The following WDR88 variants were observed in gnomAD, a reference collection of about 807,000 sequenced individuals.
WDR88 encodes the protein WD repeat-containing protein 88.
In WDR88, 40 loss-of-function variants were observed where a neutral mutation model predicts 46.8. That is an observed-to-expected ratio of 0.86 (90% confidence interval 0.66 to 1.11). WDR88 has a LOEUF of 1.11. WDR88 is among the 50% of genes most tolerant of loss of function. The pLI is 0.00. For missense variants in WDR88, 562 were observed against 602.4 expected (o/e 0.93, Z 0.70); for synonymous variants, 235 against 240.7 (o/e 0.98, Z 0.22).
In WDR88 at chr19:33,140,935, A is replaced by ATT. The variant is rs576514149; in HGVS notation, c.387+3166_387+3167dup. ...ATATGAGAAAAACTACCAAACTTACATTTTTTTTTTTTTTTTTTTGAGACA... is the reference window on the plus strand; with the variant it reads ...ATATGAGAAAAACTACCAAACTTACATTTTTTTTTTTTTTTTTTTTTGAGACA... On this transcript the variant is annotated intron_variant, in intron 2 of 10. Coordinates refer to ENST00000355868, the MANE Select transcript of WDR88 (RefSeq NM_173479.4). 9.9e-3 allele frequency among the ~76,000 whole-genome samples: 1,257 copies of ATT among 127,114 alleles called. 28 individuals carry two copies. Among genetic ancestry groups the ATT allele is most frequent in the African/African-American group, 0.037 (1,171 of 31,630 alleles). 83.4% of individuals were successfully genotyped at this position (127,114 alleles called of 152,430 possible).
At chr19:33,135,054 G>A (rs1018309045) in intron 1 of WDR88, among the ~76,000 whole-genome samples, 1 of 136,062 alleles carries the variant, frequency 7.3e-6, no homozygotes, top group Non-Finnish European at 1.5e-5. Flanking sequence ...GGGGTGGGTG[G>A]GTGGGGGGGG....
chr19:33,163,054 TG>T (rs1973895433), intron 8 of WDR88, among the ~76,000 whole-genome samples: 1 of 151,014 alleles, frequency 6.6e-6, no homozygotes, highest in African/African-American at 2.4e-5. Context: ...AAACATTAGG[TG>T]GGGTGTGGTG....
Position 33,141,227 on chromosome 19 carries a change from G to GTTTTTTTTTTTT in WDR88, c.387+3442_387+3453dup, listed in dbSNP as rs745987290. 4.7e-4 allele frequency among the ~76,000 whole-genome samples: 53 copies of GTTTTTTTTTTTT among 113,382 alleles called. 11 individuals are homozygous for GTTTTTTTTTTTT. The highest frequency in any genetic ancestry group is 1.3e-3 in the African/African-American group (32 of 24,450). 74.4% of individuals were successfully genotyped at this position (113,382 alleles called of 152,430 possible). The stretch of plus-strand genomic sequence containing the variant: ...GCTGGGATTACAGGTGTGGGAGCAT[G>GTTTTTTTTTTTT]TTTTTTTTTTTTTCTTTTTTGACAC... On this transcript the variant is annotated intron_variant, in intron 2 of 10. Coordinates refer to ENST00000355868, the MANE Select transcript of WDR88 (RefSeq NM_173479.4).
At chr19:33,160,997 C>T (rs1004330400) in intron 8 of WDR88, among the ~76,000 whole-genome samples, 11 of 151,254 alleles carry the variant, frequency 7.3e-5, no homozygotes, top group African/African-American at 2.7e-4. Context: ...CATGGTGAAA[C>T]CCCCGTCTCT....
intron 9 of WDR88, among the ~76,000 whole-genome samples, chr19:33,167,507 C>CAGGACA (rs548520499): frequency 1.6e-3 from 242 of 152,174 alleles, no homozygotes; most frequent in African/African-American, 5.7e-3. Flanking sequence ...AGATCAGGAT[C>CAGGACA]AGGACAAGGA....
chr19:33,172,274 A>G, intron 9 of WDR88, 74 bp from the exon 10 acceptor site: 2 of 1,279,026 alleles, frequency 1.6e-6, no homozygotes, highest in Non-Finnish European at 2.2e-6. Flanking sequence ...ATGTCTTTTG[A>G]TTGTTGAATG....
chr19:33,157,643 G>A (rs8103691), intron 7 of WDR88, among the ~76,000 whole-genome samples: 4 of 126,510 alleles, frequency 3.2e-5, no homozygotes, highest in Non-Finnish European at 6.5e-5. Context: ...GTATATATGT[G>A]TGTGTGTATG....
rs1349267104 is a variant in WDR88 at position 33,160,407 on chromosome 19, G to A, written c.998-7G>A. The A allele has an allele frequency of 6.2e-7, 1 of 1,614,082 alleles. No individual in the cohort carries two copies. Among genetic ancestry groups the A allele is most frequent in the South Asian group, 1.1e-5 (1 of 91,076 alleles). Reference sequence around the variant, plus strand: ...CCCCATCTCCACCCTTTCATTTTCTGTTGCAGGCTCTTTTCTCATTTCTGG... The same window carrying A: ...CCCCATCTCCACCCTTTCATTTTCTATTGCAGGCTCTTTTCTCATTTCTGG... On this transcript the variant is annotated splice_polypyrimidine_tract_variant and splice_region_variant and intron_variant, in intron 7 of 10. Transcript: ENST00000355868.
chr19:33,166,327 C>T (rs560927839), intron 9 of WDR88, among the ~76,000 whole-genome samples: 3 of 145,874 alleles, frequency 2.1e-5, no homozygotes, highest in East Asian at 2.1e-4. Context: ...TGGCCACTCA[C>T]GTCTGTAATC....
chr19:33,159,173 CAA>C (rs980509267), intron 7 of WDR88, among the ~76,000 whole-genome samples: 1 of 140,952 alleles, frequency 7.1e-6, no homozygotes, highest in Non-Finnish European at 1.6e-5. Flanking sequence ...TCTACCAAAA[CAA>C]AAAAAAAAAA....
At chr19:33,168,846 C>A (rs1973994082) in intron 9 of WDR88, among the ~76,000 whole-genome samples, 1 of 152,156 alleles carries the variant, frequency 6.6e-6, no homozygotes, top group Admixed American at 6.6e-5. Flanking sequence ...GGAGGACTCA[C>A]ACTTTCTGAC....
intron 8 of WDR88, among the ~76,000 whole-genome samples, chr19:33,161,173 TAACAA>T (rs753319429): frequency 3.4e-5 from 5 of 148,826 alleles, no homozygotes; most frequent in African/African-American, 9.8e-5. Flanking sequence ...ATTCTGTCTC[TAACAA>T]AACAAAACAA....
chr19:33,155,332 G>T (rs1973713814), intron 6 of WDR88, among the ~76,000 whole-genome samples: 1 of 151,526 alleles, frequency 6.6e-6, no homozygotes, highest in East Asian at 1.9e-4. Flanking sequence ...GTAGAGATGG[G>T]GTCTTGCTAT....
rs534417595 is a variant in WDR88, at chr19:33,143,653, A to G, written c.388-1191A>G. Among the ~76,000 whole-genome samples the G allele has an allele frequency of 3.3e-5, 5 of 152,096 alleles. No individual in the cohort carries two copies. In the South Asian group the frequency reaches 8.3e-4, roughly 25 times the overall value. Reference sequence around the variant, plus strand: ...GAGCAAGACCCTCTCTCAAAAAAAAAAAAAAAAAGTTTGGTAGTTTTTCTC... The same window carrying G: ...GAGCAAGACCCTCTCTCAAAAAAAAGAAAAAAAAGTTTGGTAGTTTTTCTC... On this transcript the variant is annotated intron_variant, in intron 2 of 10. Transcript: ENST00000355868.
intron 9 of WDR88, among the ~76,000 whole-genome samples, chr19:33,168,502 A>G (rs1283421761): frequency 7.9e-5 from 12 of 152,260 alleles, no homozygotes; most frequent in Admixed American, 7.8e-4. Flanking sequence ...GAAAAGGAAG[A>G]GCAATTCCAT....
chr19:33,155,692 A>G (rs971091327), intron 6 of WDR88, among the ~76,000 whole-genome samples: 19 of 152,294 alleles, frequency 1.2e-4, no homozygotes, highest in Middle Eastern at 3.4e-3. Context: ...CTGTCAATCA[A>G]TCACTCCTGA....
At chr19:33,160,093 G>C (rs1973839192) in intron 7 of WDR88, among the ~76,000 whole-genome samples, 1 of 152,150 alleles carries the variant, frequency 6.6e-6, no homozygotes, top group South Asian at 2.1e-4. Flanking sequence ...CGAGCGATGG[G>C]GAGTGGCTGT....
chr19:33,169,844 A>T (rs1974009030), intron 9 of WDR88, among the ~76,000 whole-genome samples: 1 of 152,136 alleles, frequency 6.6e-6, no homozygotes, highest in Non-Finnish European at 1.5e-5. Context: ...GGTATAGGCT[A>T]TATCTATCTA....
rs1338164175 is a variant in WDR88, at chr19:33,175,724, C to T, written c.*152C>T. On this transcript the variant is annotated 3_prime_UTR_variant, in exon 11 of 11. Transcript: ENST00000355868. ...AGCCCTGGCTGGACTCAGCACAGTG[C>T]CACCTCCTCAGCTCTCAGCTTGGGG... The T allele has an allele frequency of 1.0e-5, 8 of 770,984 alleles. No individual in the cohort carries two copies. Among genetic ancestry groups the T allele is most frequent in the Middle Eastern group, 3.8e-4 (1 of 2,604 alleles). The allele number at this position is 770,984 out of a possible 1,614,324, so 47.8% of individuals were successfully genotyped here.
Sources: allele counts gnomAD v4.1 joint callset (sites outside exome capture counted in the v4.1 genomes callset), GRCh38; gene constraint gnomAD v4.1.1; transcripts MANE v1.5; gene names NCBI Gene and HGNC (gene_info 2026-07-23, HGNC 2026-07-21).